Variants in PPP2R5B observed in about 807,000 individuals in gnomAD.
PPP2R5B encodes the protein serine/threonine-protein phosphatase 2A 56 kDa regulatory subunit beta isoform.
PPP2R5B carries 19 observed loss-of-function variants against 59.9 expected under a neutral mutation model. The observed-to-expected ratio is 0.32, with a 90% CI of 0.22 to 0.47. PPP2R5B has a LOEUF of 0.47. Ranked by LOEUF, PPP2R5B falls within the 20% of genes least tolerant of loss-of-function variation. The pLI is 1.00. For missense variants in PPP2R5B, 441 were observed against 640.2 expected, an observed-to-expected ratio of 0.69 and a Z score of 3.36; for synonymous variants, 286 against 260.5, an observed-to-expected ratio of 1.10 and a Z score of -0.94.
upstream of PPP2R5B, among the ~76,000 whole-genome samples, chr11:64,921,477 C>T (rs140076024): frequency 5.3e-4 from 80 of 152,362 alleles, 3 homozygotes; most frequent in East Asian, 0.012. Flanking sequence ...GTGCTTCAGA[C>T]CTCAGGGGCC....
intron 6 of PPP2R5B, among the ~76,000 whole-genome samples, chr11:64,928,676 C>A (rs560016469): frequency 6.6e-6 from 1 of 152,324 alleles, no homozygotes; most frequent in East Asian, 1.9e-4. Flanking sequence ...ACTTGGGACG[C>A]TGAGACAAGA....
rs2136693049 is a variant in PPP2R5B, at chr11:64,934,024, G to A, written c.*180G>A. On this transcript the variant is annotated 3_prime_UTR_variant, in exon 14 of 14. Coordinates refer to ENST00000164133, the MANE Select transcript of PPP2R5B (RefSeq NM_006244.4). ...ACGAGGAGAGGCAATGGTGGTCTTGGCAACAGAATGCTCAGCCCCTCGTGG... is the reference window on the plus strand; with the variant it reads ...ACGAGGAGAGGCAATGGTGGTCTTGACAACAGAATGCTCAGCCCCTCGTGG... 1 of 710,488 alleles carries A rather than the reference G, an allele frequency of 1.4e-6. No individual in the cohort carries two copies. Among genetic ancestry groups the A allele is most frequent in the Non-Finnish European group, 2.1e-6 (1 of 476,114 alleles). The allele number at this position is 710,488 out of a possible 1,614,324, so 44.0% of individuals were successfully genotyped here.
chr11:64,918,948 TC>T (rs946284135), intron 1 of PPP2R5B, among the ~76,000 whole-genome samples: 14 of 152,220 alleles, frequency 9.2e-5, no homozygotes, highest in African/African-American at 2.7e-4. Flanking sequence ...CTCAGTTTTA[TC>T]CTATGTAACT....
At chr11:64,927,416 T>C (rs1250733682) in intron 3 of PPP2R5B, among the ~76,000 whole-genome samples, 2 of 152,136 alleles carry the variant, frequency 1.3e-5, no homozygotes, top group Non-Finnish European at 2.9e-5. Context: ...ATCAACCCAT[T>C]AGAACTTTGA....
chr11:64,932,841 T>C lies in PPP2R5B; in HGVS notation c.1193T>C (p.Leu398Pro). Reference sequence around the variant, plus strand: ...ATTGAGGACAACTGCCACACTGTGCTGCCTGCTGTGTTTGGGACCCTCTAC... The same window carrying C: ...ATTGAGGACAACTGCCACACTGTGCCGCCTGCTGTGTTTGGGACCCTCTAC... ...SLIEDNCHTV[L>P]PAVFGTLYQV... The change falls in exon 12 of 14, where the codon CTG becomes CCG. Residue 398 changes from leucine to proline, a missense_variant. Transcript: ENST00000164133. 2 of 1,614,196 alleles carry C rather than the reference T, an allele frequency of 1.2e-6. No individual in the cohort carries two copies. The highest frequency in any genetic ancestry group is 1.7e-6 in the Non-Finnish European group (2 of 1,180,030).
chr11:64,930,272 A>G (rs1433236364), intron 6 of PPP2R5B, 50 bp from the exon 7 acceptor site: 1 of 1,600,070 alleles, frequency 6.2e-7, no homozygotes, highest in Non-Finnish European at 8.6e-7. Flanking sequence ...CTAAGGGGGC[A>G]CTGGGCCTAC....
chr11:64,926,599 T>C (rs1945166244), intron 2 of PPP2R5B, 113 bp from the exon 3 acceptor site: 2 of 1,138,926 alleles, frequency 1.8e-6, no homozygotes, highest in African/African-American at 3.1e-5. Flanking sequence ...CACAAGAGCA[T>C]GGGGCCTGGG....
At chr11:64,917,818 T>C (rs1285736695) in intron 1 of PPP2R5B, among the ~76,000 whole-genome samples, 1 of 152,146 alleles carries the variant, frequency 6.6e-6, no homozygotes, top group East Asian at 1.9e-4. Context: ...TCTGAATCCA[T>C]CACCAAGGAA....
chr11:64,932,667 T>A, intron 11 of PPP2R5B, 98 bp from the exon 12 acceptor site: 1 of 1,483,542 alleles, frequency 6.7e-7, no homozygotes, highest in Non-Finnish European at 9.2e-7. Context: ...TGTGTGAAGG[T>A]CAGGGGGCCT....
chr11:64,928,761 G>A (rs551230073), intron 6 of PPP2R5B, among the ~76,000 whole-genome samples: 2 of 152,366 alleles, frequency 1.3e-5, no homozygotes, highest in Admixed American at 6.5e-5. Flanking sequence ...GCGGGCGCCT[G>A]TAGTCCCAGC....
chr11:64,925,558 C>G lies in PPP2R5B; in HGVS notation c.-177C>G. On this transcript the variant is annotated 5_prime_UTR_variant, in exon 2 of 14. Coordinates refer to ENST00000164133, the MANE Select transcript of PPP2R5B (RefSeq NM_006244.4). The surrounding 1 kb of genome is among the most constrained non-coding windows in gnomAD (Gnocchi z 4.6). Reference sequence around the variant, plus strand: ...CATCCTCCTTTCTACCCTGTCTGCCCCCCAGGACTGGGCAGTTGCAGGAGG... The same window carrying G: ...CATCCTCCTTTCTACCCTGTCTGCCGCCCAGGACTGGGCAGTTGCAGGAGG... 1 of 585,014 alleles carries G rather than the reference C, an allele frequency of 1.7e-6. No individual in the cohort carries two copies. The highest frequency in any genetic ancestry group is 1.9e-5 in the African/African-American group (1 of 53,196). The allele number at this position is 585,014 out of a possible 1,614,324, so 36.2% of individuals were successfully genotyped here.
rs1198598521 is a variant in PPP2R5B, at chr11:64,933,032, A to G, written c.1245-113A>G. ...GCCCAGGGGTGGTGAAAAGGACAGGAAAGTGGGCAGTGCTTGTGTTCAGGT... is the reference window on the plus strand; with the variant it reads ...GCCCAGGGGTGGTGAAAAGGACAGGGAAGTGGGCAGTGCTTGTGTTCAGGT... On this transcript the variant is annotated intron_variant, in intron 12 of 13. Transcript: ENST00000164133. The G allele has an allele frequency of 8.7e-6, 13 of 1,501,070 alleles. No individual in the cohort carries two copies. The Middle Eastern group carries it at 5.2e-4, about 60-fold the overall frequency. 93.0% of individuals were successfully genotyped at this position (1,501,070 alleles called of 1,614,324 possible).
chr11:64,933,148 C>A lies in PPP2R5B; in HGVS notation c.1248C>A (p.Thr416=). ...ATCCCTCCTTGACACTGCCAAGAAC[C>A]ATCGTATCACTGATCTACAATGTGC... ...YQVSKEHWNQ[T]IVSLIYNVLK... The change falls in exon 13 of 14, where the codon ACC becomes ACA. Residue 416 remains threonine, a synonymous_variant. Transcript: ENST00000164133. 1 of 1,610,440 alleles carries A rather than the reference C, an allele frequency of 6.2e-7. No homozygotes were observed. The highest frequency in any genetic ancestry group is 8.5e-7 in the Non-Finnish European group (1 of 1,176,908).
rs1266235752 is a variant in PPP2R5B, at chr11:64,931,072, TG to T, written c.892-363del. Among the ~76,000 whole-genome samples, 2 of 151,922 alleles carry T rather than the reference TG, an allele frequency of 1.3e-5. No individual in the cohort carries two copies. The highest frequency in any genetic ancestry group is 6.6e-5 in the Admixed American group (1 of 15,244). On this transcript the variant is annotated intron_variant, in intron 8 of 13. Transcript: ENST00000164133. This position sits in a 1 kb window ranked among gnomAD's most constrained non-coding sequence, Gnocchi z 5.0. Reference sequence around the variant, plus strand: ...AAAAATTTTTTTTTTGTAGAGACAGTGTCTTGCTATGTTACCTAGGCTGGTC... The same window carrying T: ...AAAAATTTTTTTTTTGTAGAGACAGTTCTTGCTATGTTACCTAGGCTGGTC...
chr11:64,923,306 T>TA (rs1298091384), upstream of PPP2R5B, among the ~76,000 whole-genome samples: 1 of 152,216 alleles, frequency 6.6e-6, no homozygotes, highest in East Asian at 1.9e-4. Flanking sequence ...TTCTCCTCTC[T>TA]AGGCCTTGGG....
chr11:64,929,252 G>C (rs1185447704), intron 6 of PPP2R5B, among the ~76,000 whole-genome samples: 2 of 152,212 alleles, frequency 1.3e-5, no homozygotes, highest in Non-Finnish European at 2.9e-5. Flanking sequence ...AGGACCCAGA[G>C]AGAGATTCTT....
At position 64,928,146 on chromosome 11, in the gene PPP2R5B, G is replaced by A. The variant is rs1945188604; in HGVS notation, c.579G>A (p.Lys193=). The stretch of plus-strand genomic sequence containing the variant: ...TGGCCAAGAGATATGTGGATCAAAA[G>A]TTTGTCCTGATGGTGAAGTGGGGAG... The part of the protein sequence containing the change: ...PSVAKRYVDQ[K]FVLMLLELFD... The change falls in exon 5 of 14, where the codon AAG becomes AAA. Residue 193 remains lysine, a synonymous_variant. Transcript: ENST00000164133. 6.2e-7 allele frequency: 1 copy of A among 1,614,106 alleles called. No homozygotes were observed. Among genetic ancestry groups the A allele is most frequent in the Non-Finnish European group, 8.5e-7 (1 of 1,180,036 alleles).
upstream of PPP2R5B, among the ~76,000 whole-genome samples, chr11:64,920,652 C>T (rs646778): frequency 0.9 from 133,778 of 148,314 alleles, 60,779 homozygotes; most frequent in East Asian, 1. Context: ...TTTTTTGAGA[C>T]GGAGTCTCGC....
At position 64,926,947 on chromosome 11, in the gene PPP2R5B, A is replaced by T. The variant is rs1435489803; in HGVS notation, c.396+39A>T. The T allele has an allele frequency of 3.8e-6, 6 of 1,595,474 alleles. No individual in the cohort carries two copies. In the East Asian group the frequency reaches 1.4e-4, roughly 36 times the overall value. ...ACCCAGGCTCCGAGGGCCGGCCGAG[A>T]GGGCGTGTGAGCCCCGTTTCCTGTC... On this transcript the variant is annotated intron_variant, in intron 3 of 13. Coordinates refer to ENST00000164133, the MANE Select transcript of PPP2R5B (RefSeq NM_006244.4).
Sources: gnomAD v4.1 joint callset for allele counts (sites outside exome capture counted in the v4.1 genomes callset) on GRCh38, gnomAD v4.1.1 for gene constraint, Gnocchi (gnomAD v3.1) non-coding constraint, MANE v1.5 for transcripts, NCBI Gene and HGNC (gene_info 2026-07-23, HGNC 2026-07-21) for gene names.